Variants in NKAIN3 observed in about 807,000 individuals in gnomAD.
The protein encoded by NKAIN3 is sodium/potassium transporting ATPase interacting 3.
In NKAIN3, 25 loss-of-function variants were observed where a neutral mutation model predicts 30.2. The ratio of observed to expected loss-of-function variants is 0.83; its 90% confidence interval spans 0.60 to 1.16. The LOEUF (loss-of-function observed/expected upper bound fraction) is 1.16. NKAIN3 is among the 50% of genes most tolerant of loss of function. The pLI is 0.00. For synonymous variants in NKAIN3, 91 were observed against 89.6 expected (o/e 1.02, Z -0.09); for missense variants, 225 against 254.1 (o/e 0.89, Z 0.78).
intron 1 of NKAIN3, among the ~76,000 whole-genome samples, chr8:62,312,169 TC>T (rs200468156): frequency 0.013 from 1,894 of 150,818 alleles, 76 homozygotes; most frequent in Middle Eastern, 0.037. Context: ...TTCGAAGACT[TC>T]CTTCATGTCT....
rs979497619 is a variant in NKAIN3, at chr8:62,742,157, A to C, written c.274-4775A>C. Among the ~76,000 whole-genome samples the C allele has an allele frequency of 6.1e-4, 93 of 152,106 alleles. 1 individual carries two copies. The highest frequency in any genetic ancestry group is 2.2e-3 in the African/African-American group (93 of 41,534). On this transcript the variant is annotated intron_variant, in intron 3 of 6. Coordinates refer to ENST00000623646, the MANE Select transcript of NKAIN3 (RefSeq NM_001304533.3). ...ATATATATATATATAGGTGATACTC[A>C]GGACTAAAAGACTAATTCTTAAATA...
chr8:62,274,062 TA>T (rs1456153687), intron 1 of NKAIN3, among the ~76,000 whole-genome samples: 1 of 152,200 alleles, frequency 6.6e-6, no homozygotes, highest in Non-Finnish European at 1.5e-5. Flanking sequence ...TTACTTACTA[TA>T]ACTAAACCTG....
intron 5 of NKAIN3, among the ~76,000 whole-genome samples, chr8:62,997,038 C>T (rs1804133250): frequency 6.6e-6 from 1 of 152,176 alleles, no homozygotes; most frequent in Admixed American, 6.5e-5. Flanking sequence ...TAGGTAGTGC[C>T]CCAGTGAGGA....
At chr8:62,519,933 A>C (rs376667670) in intron 1 of NKAIN3, among the ~76,000 whole-genome samples, 38 of 152,276 alleles carry the variant, frequency 2.5e-4, no homozygotes, top group African/African-American at 8.4e-4. Flanking sequence ...CCTCCTGAGG[A>C]CTAGGAATGT....
intron 1 of NKAIN3, among the ~76,000 whole-genome samples, chr8:62,278,619 A>G (rs1030986738): frequency 6.6e-6 from 1 of 152,064 alleles, no homozygotes; most frequent in Non-Finnish European, 1.5e-5. Context: ...ATGAGTGAGA[A>G]CATGTGGTGT....
At chr8:62,411,210 T>A (rs1475383601) in intron 1 of NKAIN3, among the ~76,000 whole-genome samples, 1 of 152,164 alleles carries the variant, frequency 6.6e-6, no homozygotes, top group East Asian at 1.9e-4. Context: ...CCATGATCAA[T>A]TAGGCTTTAT....
intron 4 of NKAIN3, among the ~76,000 whole-genome samples, chr8:62,827,679 A>AAT (rs1042854885): frequency 1.3e-5 from 2 of 152,138 alleles, no homozygotes; most frequent in Non-Finnish European, 2.9e-5. Context: ...CAAACTTAAA[A>AAT]ATATATATAT....
Position 62,460,417 on chromosome 8 carries a change from A to G in NKAIN3, c.55-119122A>G, listed in dbSNP as rs1394857351. Among the ~76,000 whole-genome samples, 2 of 151,872 alleles carry G rather than the reference A, an allele frequency of 1.3e-5. 1 individual carries two copies. The highest frequency in any genetic ancestry group is 4.8e-5 in the African/African-American group (2 of 41,356). On this transcript the variant is annotated intron_variant, in intron 1 of 6. Coordinates refer to ENST00000623646, the MANE Select transcript of NKAIN3 (RefSeq NM_001304533.3). ...CAAGAGTAAAATTCCATCTCAAAAAAAAAAAAAAAAGAAAGAAAACTGGCA... is the reference window on the plus strand; with the variant it reads ...CAAGAGTAAAATTCCATCTCAAAAAGAAAAAAAAAAGAAAGAAAACTGGCA...
At chr8:62,766,677 C>T (rs115530121) in intron 4 of NKAIN3, among the ~76,000 whole-genome samples, 1,550 of 152,290 alleles carry the variant, frequency 0.01, 26 homozygotes, top group African/African-American at 0.034. Context: ...ACCTTATCCA[C>T]TATGAGTGAC....
chr8:62,607,209 T>C lies in NKAIN3; in HGVS notation c.273+17415T>C, dbSNP rs138063549. Among the ~76,000 whole-genome samples, 239 of 152,322 alleles carry C rather than the reference T, an allele frequency of 1.6e-3. 2 individuals carry two copies. Among genetic ancestry groups the C allele is most frequent in the African/African-American group, 4.3e-3 (180 of 41,584 alleles). On this transcript the variant is annotated intron_variant, in intron 3 of 6. Coordinates refer to ENST00000623646, the MANE Select transcript of NKAIN3 (RefSeq NM_001304533.3). ...CCAGTTATTGTACACATGTGACATA[T>C]TCTTGATTTAAAATGTCAATCTGGA...
intron 4 of NKAIN3, among the ~76,000 whole-genome samples, chr8:62,896,312 C>T (rs1821427132): frequency 6.6e-6 from 1 of 152,020 alleles, no homozygotes; most frequent in Admixed American, 6.6e-5. Flanking sequence ...ACCTAATTAC[C>T]TTCCAAAAGC....
At chr8:62,458,020 T>G (rs747170384) in intron 1 of NKAIN3, among the ~76,000 whole-genome samples, 1 of 152,208 alleles carries the variant, frequency 6.6e-6, no homozygotes, top group African/African-American at 2.4e-5. Flanking sequence ...TCGACGGGAC[T>G]GGTTAGTGTA....
intron 1 of NKAIN3, among the ~76,000 whole-genome samples, chr8:62,486,028 G>A (rs1396182179): frequency 1.3e-5 from 2 of 152,166 alleles, no homozygotes; most frequent in East Asian, 3.9e-4. Context: ...AATAAGATCA[G>A]GGTTAGAGAT....
chr8:62,294,005 C>T (rs956166229), intron 1 of NKAIN3, among the ~76,000 whole-genome samples: 8 of 152,134 alleles, frequency 5.3e-5, no homozygotes, highest in African/African-American at 1.9e-4. Flanking sequence ...TAGTAGTGAG[C>T]GAGGCTCTGT....
chr8:62,863,380 T>A, intron 4 of NKAIN3: 1 of 1,544,854 alleles, frequency 6.5e-7, no homozygotes, highest in Non-Finnish European at 8.8e-7. Flanking sequence ...ATATGCATCA[T>A]CCATACACAT....
At chr8:62,412,818 A>G (rs1202324278) in intron 1 of NKAIN3, among the ~76,000 whole-genome samples, 1 of 149,272 alleles carries the variant, frequency 6.7e-6, no homozygotes, top group Non-Finnish European at 1.5e-5. Flanking sequence ...AGGCTGAGGT[A>G]GGAGAATCGC....
intron 4 of NKAIN3, among the ~76,000 whole-genome samples, chr8:62,884,565 T>A (rs1201554883): frequency 6.6e-6 from 1 of 152,202 alleles, no homozygotes; most frequent in Non-Finnish European, 1.5e-5. Flanking sequence ...ACTAAAGAAT[T>A]TATATCATTT....
At chr8:62,506,228 T>TGTG (rs1554540915) in intron 1 of NKAIN3, among the ~76,000 whole-genome samples, 123 of 129,224 alleles carry the variant, frequency 9.5e-4, no homozygotes, top group African/African-American at 3.4e-3. Flanking sequence ...ATGAGAATAT[T>TGTG]GGGGGGGGGG....
chr8:62,681,587 G>C (rs1022978021), intron 3 of NKAIN3, among the ~76,000 whole-genome samples: 1 of 152,102 alleles, frequency 6.6e-6, no homozygotes, highest in African/African-American at 2.4e-5. Context: ...TGATTAAGTG[G>C]GTTGAAGGCA....
Sources: gnomAD v4.1 joint callset for allele counts (sites outside exome capture counted in the v4.1 genomes callset) on GRCh38, gnomAD v4.1.1 for gene constraint, MANE v1.5 for transcripts, NCBI Gene and HGNC (gene_info 2026-07-23, HGNC 2026-07-21) for gene names.